OXSR1: variants seen among roughly 807,000 people sequenced by gnomAD.
OXSR1 encodes the protein serine/threonine-protein kinase OSR1.
In OXSR1, 24 loss-of-function variants were observed where a neutral mutation model predicts 79.8. The ratio of observed to expected loss-of-function variants is 0.30; its 90% confidence interval spans 0.22 to 0.42. OXSR1 has a LOEUF of 0.42. Among genes scored for constraint, OXSR1 ranks in the 10% least tolerant of loss-of-function variants. OXSR1 has a pLI of 1.00. For missense variants in OXSR1, 430 were observed against 618.4 expected (o/e 0.70, Z 3.23); for synonymous variants, 226 against 209.2 (o/e 1.08, Z -0.69).
Position 38,246,178 on chromosome 3 carries a change from A to T in OXSR1, c.1214A>T (p.Gln405Leu). The change falls in exon 13 of 18, where the codon CAA (glutamine) becomes CTA (leucine). Residue 405 changes from glutamine to leucine, a missense_variant. Gln to Leu is a moderately radical substitution (Grantham distance 113). Transcript: ENST00000311806. ...GGGCAGATTGCTACACAGCCAACTC[A>T]AGTCTCTCTCCCACCCACCGCAGAG... ...PAGQIATQPT[Q>L]VSLPPTAEPA... 6.2e-7 allele frequency: 1 copy of T among 1,613,820 alleles called. No individual in the cohort carries two copies. The highest frequency in any genetic ancestry group is 2.2e-5 in the East Asian group (1 of 44,874).
chr3:38,166,701 G>C (rs536398886), intron 1 of OXSR1, among the ~76,000 whole-genome samples: 4 of 146,220 alleles, frequency 2.7e-5, no homozygotes, highest in South Asian at 4.3e-4. Flanking sequence ...TGAGGCAGAA[G>C]AATCCTTGAA....
intron 6 of OXSR1, among the ~76,000 whole-genome samples, chr3:38,223,209 T>C (rs1702622951): frequency 6.6e-6 from 1 of 152,074 alleles, no homozygotes; most frequent in Non-Finnish European, 1.5e-5. Flanking sequence ...CATCATGGCT[T>C]ACTGCAGCCT....
chr3:38,204,166 G>T (rs1466170265), intron 4 of OXSR1, among the ~76,000 whole-genome samples: 1 of 152,136 alleles, frequency 6.6e-6, no homozygotes, highest in Non-Finnish European at 1.5e-5. Flanking sequence ...GTGTTCAGCT[G>T]GGGCCCAAGG....
At chr3:38,181,989 A>G (rs1701795708) in intron 1 of OXSR1, among the ~76,000 whole-genome samples, 1 of 151,986 alleles carries the variant, frequency 6.6e-6, no homozygotes, top group Non-Finnish European at 1.5e-5. Context: ...CTGATTAGCT[A>G]GGATTACAGG....
At chr3:38,226,892 G>A (rs1325789387) in intron 8 of OXSR1, among the ~76,000 whole-genome samples, 1 of 151,830 alleles carries the variant, frequency 6.6e-6, no homozygotes, top group Non-Finnish European at 1.5e-5. Context: ...AATGAAGTCT[G>A]TAGTTTAGTT....
chr3:38,226,597 G>A (rs1308550060), intron 8 of OXSR1, among the ~76,000 whole-genome samples: 3 of 152,004 alleles, frequency 2.0e-5, no homozygotes, highest in African/African-American at 7.2e-5. Flanking sequence ...ACTGATATGT[G>A]CCTCTTGATA....
At chr3:38,244,783 C>G (rs926728029) in intron 12 of OXSR1, among the ~76,000 whole-genome samples, 2 of 152,026 alleles carry the variant, frequency 1.3e-5, no homozygotes, top group Non-Finnish European at 2.9e-5. Flanking sequence ...CTCTTTGAGA[C>G]CCTGCTTTCA....
At chr3:38,244,670 T>TGTGTGCGCGCGC (rs1491372358) in intron 12 of OXSR1, among the ~76,000 whole-genome samples, 1 of 149,626 alleles carries the variant, frequency 6.7e-6, no homozygotes, top group Non-Finnish European at 1.5e-5. Context: ...TGTGTGTGCG[T>TGTGTGCGCGCGC]GCGCATGTAC....
chr3:38,203,785 T>C (rs1049678251), intron 4 of OXSR1, among the ~76,000 whole-genome samples: 3 of 152,152 alleles, frequency 2.0e-5, no homozygotes, highest in Non-Finnish European at 4.4e-5. Flanking sequence ...GGATCAGACT[T>C]GAAGACATCA....
At chr3:38,223,987 A>T in intron 7 of OXSR1, 74 bp downstream of exon 7, 11 of 771,624 alleles carry the variant, frequency 1.4e-5, no homozygotes, top group Admixed American at 5.7e-5. Flanking sequence ...CAGTCTTTTA[A>T]TTTTTTTTTT....
intron 4 of OXSR1, among the ~76,000 whole-genome samples, chr3:38,199,133 A>G (rs543032010): frequency 6.6e-6 from 1 of 152,216 alleles, no homozygotes; most frequent in African/African-American, 2.4e-5. Context: ...TTTCTTTTAT[A>G]TGGTTAAAAA....
At chr3:38,194,368 A>G (rs1263255131) in intron 3 of OXSR1, among the ~76,000 whole-genome samples, 1 of 152,160 alleles carries the variant, frequency 6.6e-6, no homozygotes, top group East Asian at 1.9e-4. Context: ...CCTGGGCAAC[A>G]TGGCAAGACC....
At chr3:38,243,833 C>T (rs1703084021) in intron 12 of OXSR1, among the ~76,000 whole-genome samples, 1 of 152,198 alleles carries the variant, frequency 6.6e-6, no homozygotes, top group African/African-American at 2.4e-5. Context: ...ATATGTGTGG[C>T]TCCTCTTCTT....
At chr3:38,203,255 G>C (rs939642687) in intron 4 of OXSR1, among the ~76,000 whole-genome samples, 1 of 152,116 alleles carries the variant, frequency 6.6e-6, no homozygotes, top group African/African-American at 2.4e-5. Context: ...ATGATCACGG[G>C]ACTTGCTTCA....
Position 38,232,106 on chromosome 3 carries a change from C to CA in OXSR1, c.951+1684dup, listed in dbSNP as rs201284847. On this transcript the variant is annotated intron_variant, in intron 10 of 17. Transcript: ENST00000311806. ...TGGGCGACAGAGCAAGACTCTGTCTCAAAAAAAACAAAAGAAGAGCGAGCC... is the reference window on the plus strand; with the variant it reads ...TGGGCGACAGAGCAAGACTCTGTCTCAAAAAAAAACAAAAGAAGAGCGAGCC... Among the ~76,000 whole-genome samples, 558 of 150,604 alleles carry CA rather than the reference C, an allele frequency of 3.7e-3. 11 individuals carry two copies. Among genetic ancestry groups the CA allele is most frequent in the African/African-American group, 0.013 (516 of 40,960 alleles).
chr3:38,214,824 A>G (rs560969357), intron 4 of OXSR1, among the ~76,000 whole-genome samples: 36 of 152,286 alleles, frequency 2.4e-4, no homozygotes, highest in Non-Finnish European at 3.5e-4. Context: ...CAGTTGTGAA[A>G]CTCTTGTTCA....
chr3:38,203,260 G>C (rs1702201086), intron 4 of OXSR1, among the ~76,000 whole-genome samples: 2 of 152,178 alleles, frequency 1.3e-5, no homozygotes. Context: ...CACGGGACTT[G>C]CTTCACCTTA....
In OXSR1 at chr3:38,253,917, T is replaced by G. The variant is rs1703309607; in HGVS notation, c.*1026T>G. 2 of 313,110 alleles carry G rather than the reference T, an allele frequency of 6.4e-6. No homozygotes were observed. Among genetic ancestry groups the G allele is most frequent in the Non-Finnish European group, 1.2e-5 (2 of 172,446 alleles). The allele number at this position is 313,110 out of a possible 1,614,324, so 19.4% of individuals were successfully genotyped here. On this transcript the variant is annotated 3_prime_UTR_variant, in exon 18 of 18. Transcript: ENST00000311806. Reference sequence around the variant, plus strand: ...GGAGGGGGTCTCTGTGTGCTGAAGCTAACTCAAGATGGAAAGTGAAACCAC... The same window carrying G: ...GGAGGGGGTCTCTGTGTGCTGAAGCGAACTCAAGATGGAAAGTGAAACCAC...
intron 4 of OXSR1, among the ~76,000 whole-genome samples, chr3:38,201,429 G>A (rs1321279237): frequency 6.6e-6 from 1 of 151,796 alleles, no homozygotes; most frequent in Non-Finnish European, 1.5e-5. Context: ...TCCAGATACG[G>A]GCCAGGCATG....
Sources: gnomAD v4.1 joint callset for allele counts (sites outside exome capture counted in the v4.1 genomes callset) on GRCh38, gnomAD v4.1.1 for gene constraint, MANE v1.5 for transcripts, NCBI Gene and HGNC (gene_info 2026-07-23, HGNC 2026-07-21) for gene names.